Variants in SLC4A4 observed in about 807,000 individuals in gnomAD.
SLC4A4 encodes the protein solute carrier family 4 member 4.
In SLC4A4, 27 loss-of-function variants were observed where a neutral mutation model predicts 111.5. That is an observed-to-expected ratio of 0.24 (90% CI 0.18 to 0.33). The LOEUF (loss-of-function observed/expected upper bound fraction) is 0.33, where lower values mean the gene tolerates loss of function less well. Among genes scored for constraint, SLC4A4 ranks in the 10% least tolerant of loss-of-function variants. The pLI is 1.00. For missense variants in SLC4A4, 909 were observed against 1,315.5 expected (o/e 0.69, Z 4.78); for synonymous variants, 443 against 463.4 (o/e 0.96, Z 0.57).
At chr4:71,178,793 C>CA (rs1437986293) in intron 2 of SLC4A4, among the ~76,000 whole-genome samples, 1 of 152,166 alleles carries the variant, frequency 6.6e-6, no homozygotes, top group East Asian at 1.9e-4. Flanking sequence ...GAGCTGGTAC[C>CA]ATTCCTTCTG....
At chr4:71,496,284 T>C (rs555964799) in intron 15 of SLC4A4, among the ~76,000 whole-genome samples, 4 of 152,184 alleles carry the variant, frequency 2.6e-5, no homozygotes, top group East Asian at 3.9e-4. Flanking sequence ...TCGGCTGTTA[T>C]AGAAGCAGAT....
chr4:71,275,309 A>G (rs1722990894), intron 3 of SLC4A4, among the ~76,000 whole-genome samples: 1 of 152,182 alleles, frequency 6.6e-6, no homozygotes, highest in Non-Finnish European at 1.5e-5. Context: ...TTTTCCCTCC[A>G]AAAGAACAAC....
At chr4:71,175,891 C>G (rs1412144030) in intron 2 of SLC4A4, among the ~76,000 whole-genome samples, 1 of 152,172 alleles carries the variant, frequency 6.6e-6, no homozygotes, top group Non-Finnish European at 1.5e-5. Flanking sequence ...TCAAGTGGGT[C>G]CCTGCCCCCG....
At chr4:71,142,260 G>T (rs184610158) in intron 2 of SLC4A4, among the ~76,000 whole-genome samples, 2 of 152,164 alleles carry the variant, frequency 1.3e-5, no homozygotes, top group African/African-American at 4.8e-5. Context: ...ATGAGTAGCC[G>T]CTTTCTTTTA....
intron 3 of SLC4A4, among the ~76,000 whole-genome samples, chr4:71,268,113 C>G (rs571744571): frequency 8.7e-6 from 1 of 114,676 alleles, no homozygotes; most frequent in Non-Finnish European, 1.7e-5. Context: ...TAGTGAATCT[C>G]AGCAAAAGCT....
Position 71,121,029 on chromosome 4 carries a change from G to T in SLC4A4, c.-2+28237G>T, listed in dbSNP as rs1165450690. ...GTAGGTCCCGCACTTGGAGTGGCAGGCTGGCGCCGCCGGCCCAGGGCAGTA... is the reference window on the plus strand; with the variant it reads ...GTAGGTCCCGCACTTGGAGTGGCAGTCTGGCGCCGCCGGCCCAGGGCAGTA... On this transcript the variant is annotated intron_variant, in intron 2 of 26. Transcript: ENST00000649996. 2.0e-5 allele frequency among the ~76,000 whole-genome samples: 3 copies of T among 152,346 alleles called. No homozygotes were observed. In the East Asian group the frequency reaches 5.8e-4, roughly 29 times the overall value.
At chr4:71,114,783 C>G (rs1578493355) in intron 2 of SLC4A4, among the ~76,000 whole-genome samples, 14 of 115,240 alleles carry the variant, frequency 1.2e-4, no homozygotes, top group African/African-American at 2.6e-4. Context: ...TGTGGCGATT[C>G]CTCAGGGATC....
intron 2 of SLC4A4, among the ~76,000 whole-genome samples, chr4:71,128,611 C>T (rs1743620866): frequency 6.6e-6 from 1 of 152,128 alleles, no homozygotes; most frequent in Non-Finnish European, 1.5e-5. Flanking sequence ...ACCTCAGCCT[C>T]CCAAGTAGCT....
chr4:71,185,390 A>G (rs1241056654), upstream of SLC4A4, among the ~76,000 whole-genome samples: 1 of 152,250 alleles, frequency 6.6e-6, no homozygotes, highest in Admixed American at 6.5e-5. Flanking sequence ...TAATTTTAAC[A>G]TTAGCCTAGA....
chr4:71,217,738 T>G (rs1718520694), intron 1 of SLC4A4, among the ~76,000 whole-genome samples: 1 of 152,186 alleles, frequency 6.6e-6, no homozygotes. Flanking sequence ...TCACTTCTAT[T>G]TGGTATAAGA....
intron 3 of SLC4A4, among the ~76,000 whole-genome samples, chr4:71,272,842 G>A (rs2579322): frequency 0.093 from 14,110 of 152,108 alleles, 2,100 homozygotes; most frequent in African/African-American, 0.31. Context: ...GGTGAATTAA[G>A]TACTAGATAT....
At chr4:71,413,726 G>A (rs1721598205) in intron 7 of SLC4A4, among the ~76,000 whole-genome samples, 1 of 152,184 alleles carries the variant, frequency 6.6e-6, no homozygotes, top group East Asian at 1.9e-4. Context: ...CCTTGAACAT[G>A]TATTAACTTC....
intron 2 of SLC4A4, among the ~76,000 whole-genome samples, chr4:71,124,526 T>G (rs1469861236): frequency 6.6e-6 from 1 of 152,184 alleles, no homozygotes; most frequent in Non-Finnish European, 1.5e-5. Flanking sequence ...ACATTCGTCT[T>G]TATCAGGTTT....
intron 20 of SLC4A4, among the ~76,000 whole-genome samples, chr4:71,552,795 G>T (rs1357671114): frequency 6.6e-6 from 1 of 151,730 alleles, no homozygotes; most frequent in Non-Finnish European, 1.5e-5. Context: ...TATACTTTGT[G>T]CTGTTTATGT....
At chr4:71,066,525 TAAG>T (rs1482558700) in intron 1 of SLC4A4, among the ~76,000 whole-genome samples, 3 of 152,110 alleles carry the variant, frequency 2.0e-5, no homozygotes, top group African/African-American at 7.2e-5. Flanking sequence ...ATTTAGAAAA[TAAG>T]AAGTTTTTGA....
At chr4:71,080,083 T>G (rs931399110) in intron 1 of SLC4A4, among the ~76,000 whole-genome samples, 1 of 152,032 alleles carries the variant, frequency 6.6e-6, no homozygotes, top group Non-Finnish European at 1.5e-5. Flanking sequence ...GGCTAATCCC[T>G]TAGTTTCTCT....
chr4:71,106,916 AG>A (rs1742943683), intron 2 of SLC4A4, among the ~76,000 whole-genome samples: 1 of 151,448 alleles, frequency 6.6e-6, no homozygotes, highest in South Asian at 2.1e-4. Context: ...TAAAACTTAA[AG>A]TATAATAAAA....
At chr4:71,311,545 A>C (rs1726165075) in intron 3 of SLC4A4, among the ~76,000 whole-genome samples, 1 of 152,064 alleles carries the variant, frequency 6.6e-6, no homozygotes, top group African/African-American at 2.4e-5. Flanking sequence ...CTCACTCAAA[A>C]CCATGTATGT....
At chr4:71,112,147 A>G (rs192221922) in intron 2 of SLC4A4, among the ~76,000 whole-genome samples, 41 of 152,324 alleles carry the variant, frequency 2.7e-4, no homozygotes, top group Admixed American at 1.9e-3. Context: ...TCTGGCTGCT[A>G]TGGCACCAGA....
Sources: allele counts gnomAD v4.1 joint callset (sites outside exome capture counted in the v4.1 genomes callset), GRCh38; gene constraint gnomAD v4.1.1; transcripts MANE v1.5; gene names NCBI Gene and HGNC (gene_info 2026-07-23, HGNC 2026-07-21).